The following TANC2 variants were observed in gnomAD, a reference collection of about 807,000 sequenced individuals.
The protein encoded by TANC2 is protein TANC2.
A neutral mutation model predicts 210.5 loss-of-function variants in TANC2; 26 were observed. The observed-to-expected ratio is 0.12, with a 90% CI of 0.09 to 0.17. The LOEUF is 0.17. TANC2 is among the 10% of genes least tolerant of loss of function. TANC2 has a pLI of 1.00. For synonymous variants in TANC2, 931 were observed against 967.1 expected, an observed-to-expected ratio of 0.96 and a Z score of 0.69; for missense variants, 2,129 against 2,608.9, an observed-to-expected ratio of 0.82 and a Z score of 4.01.
chr17:63,238,113 T>C, intron 8 of TANC2, 36 bp downstream of exon 8: 3 of 1,502,022 alleles, frequency 2.0e-6, no homozygotes, highest in Non-Finnish European at 1.8e-6. Flanking sequence ...GTTGCTGTTG[T>C]TAAATAATCA....
chr17:62,967,780 G>C (rs2031438658), intron 1 of TANC2: 3 of 151,598 alleles, frequency 2.0e-5, no homozygotes, highest in Admixed American at 2.0e-4. Flanking sequence ...TAATTATAGA[G>C]AACGGCAGTA....
intron 8 of TANC2, among the ~76,000 whole-genome samples, chr17:63,255,614 T>A (rs2146190918): frequency 6.6e-6 from 1 of 152,288 alleles, no homozygotes; most frequent in South Asian, 2.1e-4. Flanking sequence ...TTGCTCATAG[T>A]AGTCTCTAAT....
intron 9 of TANC2, among the ~76,000 whole-genome samples, chr17:63,296,352 G>A (rs2044536317): frequency 6.6e-6 from 1 of 151,926 alleles, no homozygotes; most frequent in Non-Finnish European, 1.5e-5. Context: ...ACAATAAGGA[G>A]TAGAGTCATT....
intron 14 of TANC2, among the ~76,000 whole-genome samples, chr17:63,364,398 C>G (rs1177303478): frequency 6.6e-6 from 1 of 151,984 alleles, no homozygotes; most frequent in Non-Finnish European, 1.5e-5. Context: ...GAAAAAGCTG[C>G]TAATTAGAAT....
intron 5 of TANC2, among the ~76,000 whole-genome samples, chr17:63,172,423 C>T (rs1054004770): frequency 2.0e-5 from 3 of 151,942 alleles, no homozygotes; most frequent in African/African-American, 7.3e-5. Flanking sequence ...CTCAGGTGAT[C>T]CACCCACCTC....
At chr17:63,168,948 A>G (rs2040305819) in intron 5 of TANC2, among the ~76,000 whole-genome samples, 1 of 152,226 alleles carries the variant, frequency 6.6e-6, no homozygotes, top group South Asian at 2.1e-4. Context: ...TGTTTGGAAT[A>G]TCATTTGTTC....
At chr17:63,265,975 C>T (rs2043513303) in intron 8 of TANC2, among the ~76,000 whole-genome samples, 1 of 151,904 alleles carries the variant, frequency 6.6e-6, no homozygotes, top group Admixed American at 6.6e-5. Context: ...TTGATATAAG[C>T]AGAAGAATCA....
chr17:63,413,258 A>T (rs996515142), intron 24 of TANC2: 1 of 311,556 alleles, frequency 3.2e-6, no homozygotes, highest in African/African-American at 2.1e-5. Context: ...AATAATTCCA[A>T]ACTGAGCCAT....
At chr17:63,380,535 A>G (rs2047572918) in intron 15 of TANC2, among the ~76,000 whole-genome samples, 1 of 152,252 alleles carries the variant, frequency 6.6e-6, no homozygotes, top group Non-Finnish European at 1.5e-5. Flanking sequence ...TTCAGATAAC[A>G]GTTTTGGGTT....
intron 7 of TANC2, among the ~76,000 whole-genome samples, chr17:63,217,418 T>C (rs1598626447): frequency 6.6e-6 from 1 of 152,160 alleles, no homozygotes; most frequent in Non-Finnish European, 1.5e-5. Flanking sequence ...CACAAACAAT[T>C]TTATTTTTTA....
intron 2 of TANC2, among the ~76,000 whole-genome samples, chr17:63,062,597 G>T (rs1023933774): frequency 1.3e-5 from 2 of 152,076 alleles, no homozygotes; most frequent in African/African-American, 4.8e-5. Context: ...CCGGTGAGTT[G>T]CATTCTAGTG....
chr17:63,333,276 A>G (rs924987667), intron 11 of TANC2, among the ~76,000 whole-genome samples: 7 of 152,218 alleles, frequency 4.6e-5, no homozygotes, highest in Non-Finnish European at 7.4e-5. Context: ...AAGAACATCT[A>G]TGATTCATAG....
intron 11 of TANC2, among the ~76,000 whole-genome samples, chr17:63,335,341 G>A (rs977501471): frequency 1.5e-4 from 23 of 152,212 alleles, no homozygotes; most frequent in East Asian, 3.9e-4. Flanking sequence ...GGCCGGGCAC[G>A]GTGGCTCATG....
At chr17:62,977,798 C>G (rs2032093273) in intron 1 of TANC2, among the ~76,000 whole-genome samples, 1 of 152,074 alleles carries the variant, frequency 6.6e-6, no homozygotes, top group Non-Finnish European at 1.5e-5. Context: ...CGGGTTTCTC[C>G]CTTCTCTAGT....
At chr17:62,970,627 C>G (rs2031639048) in intron 1 of TANC2, among the ~76,000 whole-genome samples, 1 of 152,114 alleles carries the variant, frequency 6.6e-6, no homozygotes, top group South Asian at 2.1e-4. Flanking sequence ...GTAGTTGGTA[C>G]TGATTGAATA....
At chr17:63,247,728 G>A (rs1292377254) in intron 8 of TANC2, among the ~76,000 whole-genome samples, 1 of 152,080 alleles carries the variant, frequency 6.6e-6, no homozygotes, top group Non-Finnish European at 1.5e-5. Context: ...AGATAGCTCT[G>A]TCCTGGAGAA....
At position 62,966,262 on chromosome 17, in the gene TANC2, C is replaced by T. The variant is rs1432482501; in HGVS notation, c.-511C>T. On this transcript the variant is annotated 5_prime_UTR_variant, in exon 1 of 28. Coordinates refer to ENST00000689528, the Ensembl canonical transcript of TANC2. This position sits in a 1 kb window ranked among gnomAD's most constrained non-coding sequence, Gnocchi z 5.1. ...CGGCGCTAGCGAGCGGCCGGCGGGGCGCGGGTTGCTGGGCGCGCTGCTCCG... is the reference window on the plus strand; with the variant it reads ...CGGCGCTAGCGAGCGGCCGGCGGGGTGCGGGTTGCTGGGCGCGCTGCTCCG... Among the ~76,000 whole-genome samples, 5 of 146,026 alleles carry T rather than the reference C, an allele frequency of 3.4e-5. No homozygotes were observed. Among genetic ancestry groups the T allele is most frequent in the African/African-American group, 1.2e-4 (5 of 40,840 alleles).
chr17:63,240,124 CT>C (rs762431436), intron 8 of TANC2, among the ~76,000 whole-genome samples: 9 of 152,182 alleles, frequency 5.9e-5, no homozygotes, highest in Non-Finnish European at 1.3e-4. Flanking sequence ...AAGCCTGAGT[CT>C]TTTCCGAAAA....
At chr17:62,999,429 C>T (rs78211850) in intron 1 of TANC2, among the ~76,000 whole-genome samples, 4,422 of 152,184 alleles carry the variant, frequency 0.029, 79 homozygotes, top group South Asian at 0.038. Flanking sequence ...AGACTTTAAA[C>T]CAACAATGGT....
Sources: allele counts gnomAD v4.1 joint callset (sites outside exome capture counted in the v4.1 genomes callset), GRCh38; gene constraint gnomAD v4.1.1; non-coding constraint Gnocchi (gnomAD v3.1); transcripts MANE v1.5; gene names NCBI Gene and HGNC (gene_info 2026-07-23, HGNC 2026-07-21).